The following RAB8B variants were observed in gnomAD, a reference collection of about 807,000 sequenced individuals.
RAB8B encodes the protein RAB8B, member RAS oncogene family.
Under a neutral mutation model 32.0 loss-of-function variants are expected in RAB8B, and 11 were observed. The observed-to-expected ratio is 0.34, with a 90% confidence interval of 0.22 to 0.57. The LOEUF (loss-of-function observed/expected upper bound fraction) is 0.57, where lower values mean the gene tolerates loss of function less well. Ranked by LOEUF, RAB8B falls within the 20% of genes least tolerant of loss-of-function variation. The pLI, the probability that RAB8B is intolerant of heterozygous loss-of-function variation, is 0.86. For missense variants in RAB8B, 190 were observed against 258.5 expected (o/e 0.73, Z 1.82); for synonymous variants, 103 against 89.6 (o/e 1.15, Z -0.85).
intron 1 of RAB8B, among the ~76,000 whole-genome samples, chr15:63,217,633 C>T (rs972611832): frequency 6.6e-6 from 1 of 152,170 alleles, no homozygotes; most frequent in Non-Finnish European, 1.5e-5. Context: ...ATAAAATGCT[C>T]ATTGTGCAAA....
At chr15:63,214,578 A>G (rs2037776389) in intron 1 of RAB8B, among the ~76,000 whole-genome samples, 1 of 152,130 alleles carries the variant, frequency 6.6e-6, no homozygotes, top group Non-Finnish European at 1.5e-5. Flanking sequence ...AAGGCCGAGA[A>G]GCCATCCACC....
chr15:63,204,358 A>G (rs1232898826), intron 1 of RAB8B, among the ~76,000 whole-genome samples: 1 of 152,164 alleles, frequency 6.6e-6, no homozygotes, highest in Non-Finnish European at 1.5e-5. Flanking sequence ...CGGGTGCAGC[A>G]TGTTAGTGTA....
chr15:63,225,394 G>C (rs2037880400), intron 1 of RAB8B, among the ~76,000 whole-genome samples: 1 of 152,114 alleles, frequency 6.6e-6, no homozygotes, highest in South Asian at 2.1e-4. Context: ...TTTTATTGCT[G>C]TCATATATTT....
chr15:63,233,858 G>A (rs940577615), intron 1 of RAB8B, among the ~76,000 whole-genome samples: 3 of 152,064 alleles, frequency 2.0e-5, no homozygotes, highest in Non-Finnish European at 2.9e-5. Flanking sequence ...GCTTCTTAAA[G>A]TGGGTCAAAG....
At chr15:63,237,351 C>G (rs1209619187) in intron 1 of RAB8B, among the ~76,000 whole-genome samples, 1 of 152,180 alleles carries the variant, frequency 6.6e-6, no homozygotes, top group Non-Finnish European at 1.5e-5. Flanking sequence ...CATTCCCACC[C>G]ACAGTGTGCA....
chr15:63,191,856 C>G (rs1402202705), intron 1 of RAB8B, among the ~76,000 whole-genome samples: 7 of 152,154 alleles, frequency 4.6e-5, no homozygotes, highest in African/African-American at 1.7e-4. Context: ...GTAAGGGTAT[C>G]TGGTTCCTTT....
chr15:63,246,380 A>G (rs2038072501), intron 2 of RAB8B, among the ~76,000 whole-genome samples: 1 of 152,182 alleles, frequency 6.6e-6, no homozygotes, highest in South Asian at 2.1e-4. Context: ...CTGGCTATAA[A>G]TTGGGGTTCT....
chr15:63,232,557 C>G (rs1167213410), intron 1 of RAB8B, among the ~76,000 whole-genome samples: 3 of 152,084 alleles, frequency 2.0e-5, no homozygotes, highest in Non-Finnish European at 2.9e-5. Context: ...AGTGTAAAGC[C>G]GTTCAGCTTT....
rs978325324 is a variant in RAB8B at position 63,259,309 on chromosome 15, C to T, written c.415-318C>T. Among the ~76,000 whole-genome samples the T allele has an allele frequency of 6.6e-6, 1 of 151,760 alleles. No homozygotes were observed. The highest frequency in any genetic ancestry group is 2.4e-5 in the African/African-American group (1 of 41,334). ...TAATTTTTTGTATTTTTAGTAGAGG[C>T]GGGGTTTCATCATGTTAGCAAGGAG... is the stretch of plus-strand genomic sequence containing the variant. On this transcript the variant is annotated intron_variant, in intron 5 of 7. Coordinates refer to ENST00000321437, the MANE Select transcript of RAB8B (RefSeq NM_016530.3). This position sits in a 1 kb window ranked among gnomAD's most constrained non-coding sequence, Gnocchi z 4.4.
chr15:63,205,433 G>T (rs1358783288), intron 1 of RAB8B, among the ~76,000 whole-genome samples: 1 of 152,140 alleles, frequency 6.6e-6, no homozygotes, highest in African/African-American at 2.4e-5. Flanking sequence ...AGGAGGTTGA[G>T]GCTACAGTGA....
At position 63,240,806 on chromosome 15, in the gene RAB8B, CAA is replaced by C. The variant is rs11312318; in HGVS notation, c.125-3933_125-3932del. On this transcript the variant is annotated intron_variant, in intron 1 of 7. Transcript: ENST00000321437. ...CATAACTGAAAGGTAATGTTCCTAA[CAA>C]AAAAAAAAAAAAAAAAGCCTCTGTC... Among the ~76,000 whole-genome samples, 500 of 113,742 alleles carry C rather than the reference CAA, an allele frequency of 4.4e-3. 3 individuals carry two copies. The highest frequency in any genetic ancestry group is 0.014 in the African/African-American group (404 of 28,614). 74.6% of individuals were successfully genotyped at this position (113,742 alleles called of 152,430 possible). A position where few individuals can be genotyped will look rare whatever the true frequency, so the allele number is the denominator to read the frequency against.
At chr15:63,201,833 C>T (rs902587569) in intron 1 of RAB8B, among the ~76,000 whole-genome samples, 2 of 152,106 alleles carry the variant, frequency 1.3e-5, no homozygotes, top group Non-Finnish European at 2.9e-5. Context: ...ACGTGAGCCT[C>T]GCACTTCAGT....
chr15:63,221,845 G>A (rs2037847427), intron 1 of RAB8B, among the ~76,000 whole-genome samples: 1 of 152,150 alleles, frequency 6.6e-6, no homozygotes, highest in South Asian at 2.1e-4. Context: ...TTTCACTTCT[G>A]TCTGCTTATT....
chr15:63,217,509 C>A (rs888456535), intron 1 of RAB8B, among the ~76,000 whole-genome samples: 1 of 152,128 alleles, frequency 6.6e-6, no homozygotes, highest in Non-Finnish European at 1.5e-5. Context: ...AGATCCTTGA[C>A]CAAGTTTGGA....
chr15:63,198,402 A>G (rs1168264671), intron 1 of RAB8B, among the ~76,000 whole-genome samples: 2 of 152,156 alleles, frequency 1.3e-5, no homozygotes, highest in Non-Finnish European at 2.9e-5. Context: ...GAAAATGCTA[A>G]CACTCTGCTT....
In RAB8B at chr15:63,262,096, A is replaced by G. The variant is rs143550268; in HGVS notation, c.481-596A>G. Among the ~76,000 whole-genome samples the G allele has an allele frequency of 2.8e-4, 42 of 152,338 alleles. No individual in the cohort carries two copies. The East Asian group carries it at 4.6e-3, about 17-fold the overall frequency. Reference sequence around the variant, plus strand: ...AGAAAAAGCCAGAAATAAAAAGTAGAGATTTTTGTGAAGACATTTTAGAGC... The same window carrying G: ...AGAAAAAGCCAGAAATAAAAAGTAGGGATTTTTGTGAAGACATTTTAGAGC... On this transcript the variant is annotated intron_variant, in intron 6 of 7. Transcript: ENST00000321437.
chr15:63,257,219 T>C (rs745697755), intron 5 of RAB8B, among the ~76,000 whole-genome samples: 2 of 152,168 alleles, frequency 1.3e-5, no homozygotes, highest in African/African-American at 2.4e-5. Flanking sequence ...GAATTTTGCT[T>C]TAGCCTTTAA....
chr15:63,209,582 AAAAAT>A (rs987852582), intron 1 of RAB8B, among the ~76,000 whole-genome samples: 13 of 152,116 alleles, frequency 8.5e-5, no homozygotes, highest in Non-Finnish European at 1.6e-4. Flanking sequence ...CAAAAAGCGA[AAAAAT>A]AAAATAAAAT....
At position 63,189,744 on chromosome 15, in the gene RAB8B, C is replaced by G; in HGVS notation, c.120C>G (p.Thr40=). The G allele has an allele frequency of 6.2e-7, 1 of 1,610,406 alleles. No homozygotes were observed. The highest frequency in any genetic ancestry group is 8.5e-7 in the Non-Finnish European group (1 of 1,178,830). The change falls in exon 1 of 8, where the codon ACC becomes ACG. Residue 40 remains threonine (T), a synonymous_variant. Transcript: ENST00000321437. The part of the protein sequence containing the change: ...EDAFNTTFIS[T]IGIDFKIRTI... ...CCTTCAACACCACCTTCATCTCCAC[C>G]ATCGGTGAGGGAGGGGCCGCGGCCC... is the stretch of plus-strand genomic sequence containing the variant.
Sources: gnomAD v4.1 joint callset for allele counts (sites outside exome capture counted in the v4.1 genomes callset) on GRCh38, gnomAD v4.1.1 for gene constraint, Gnocchi (gnomAD v3.1) non-coding constraint, MANE v1.5 for transcripts, NCBI Gene and HGNC (gene_info 2026-07-23, HGNC 2026-07-21) for gene names.